LUC7L2: variants seen among roughly 807,000 people sequenced by gnomAD.
LUC7L2 encodes LUC7 like 2, pre-mRNA splicing factor.
LUC7L2 carries 25 observed loss-of-function variants against 52.8 expected under a neutral mutation model. That is an observed-to-expected ratio of 0.47 (90% CI 0.34 to 0.66). LUC7L2 has a LOEUF of 0.66. Ranked by LOEUF, LUC7L2 falls within the 30% of genes least tolerant of loss-of-function variation. The pLI, the probability that LUC7L2 is intolerant of heterozygous loss-of-function variation, is 0.01. For missense variants in LUC7L2, 328 were observed against 497.8 expected (o/e 0.66, Z 3.25); for synonymous variants, 144 against 160.9 (o/e 0.89, Z 0.80).
intron 1 of LUC7L2, chr7:139,344,816 C>T (rs1024015156): frequency 6.6e-6 from 1 of 150,688 alleles, no homozygotes; most frequent in Non-Finnish European, 1.5e-5. Flanking sequence ...CATTCTCCCG[C>T]CTCAGCCTCC....
upstream of LUC7L2, among the ~76,000 whole-genome samples, chr7:139,356,882 G>A (rs1799623013): frequency 6.6e-6 from 1 of 152,168 alleles, no homozygotes; most frequent in Non-Finnish European, 1.5e-5. Flanking sequence ...AGATGGACAG[G>A]CAGAGATTTC....
chr7:139,389,370 C>T (rs1178961220), intron 2 of LUC7L2, among the ~76,000 whole-genome samples: 1 of 152,144 alleles, frequency 6.6e-6, no homozygotes, highest in Non-Finnish European at 1.5e-5. Flanking sequence ...CCAGTATAAT[C>T]CTACATCCCC....
At chr7:139,377,126 A>G (rs373719031) in intron 2 of LUC7L2, among the ~76,000 whole-genome samples, 16 of 152,266 alleles carry the variant, frequency 1.1e-4, no homozygotes, top group Non-Finnish European at 1.3e-4. Context: ...CTACAAAGCA[A>G]GAAATCCAGT....
chr7:139,384,880 T>A (rs1238997850), intron 2 of LUC7L2, among the ~76,000 whole-genome samples: 2 of 152,136 alleles, frequency 1.3e-5, no homozygotes, highest in Non-Finnish European at 2.9e-5. Context: ...CTCAGCCTCC[T>A]AAGTAGCTGG....
Position 139,375,967 on chromosome 7 carries a change from T to TA in LUC7L2, c.62-94dup. On this transcript the variant is annotated intron_variant, in intron 1 of 9. Coordinates refer to ENST00000354926, the MANE Select transcript of LUC7L2 (RefSeq NM_016019.5). ...CTTGAGCTGATTTATAATGTGTGTA[T>TA]ATAGCCACACATAAAAAGCTAGTAA... 5 of 1,274,100 alleles carry TA rather than the reference T, an allele frequency of 3.9e-6. No homozygotes were observed. The East Asian group carries it at 1.2e-4, about 31-fold the overall frequency. The allele number at this position is 1,274,100 out of a possible 1,614,324, so 78.9% of individuals were successfully genotyped here. A position where few individuals can be genotyped will look rare whatever the true frequency, so the allele number is the denominator to read the frequency against.
rs1211477382 is a variant in LUC7L2 at position 139,359,966 on chromosome 7, G to A, written c.-296G>A. 3 of 426,164 alleles carry A rather than the reference G, an allele frequency of 7.0e-6. No individual in the cohort carries two copies. Among genetic ancestry groups the A allele is most frequent in the South Asian group, 1.2e-4 (2 of 17,282 alleles). The allele number at this position is 426,164 out of a possible 1,614,324, so 26.4% of individuals were successfully genotyped here. A position where few individuals can be genotyped will look rare whatever the true frequency, so the allele number is the denominator to read the frequency against. Reference sequence around the variant, plus strand: ...GGGGGTTGACGGCTTCTGGCGGGTGGCGGTGTTGAAGGCGAGAGCTTGCTT... The same window carrying A: ...GGGGGTTGACGGCTTCTGGCGGGTGACGGTGTTGAAGGCGAGAGCTTGCTT... On this transcript the variant is annotated 5_prime_UTR_variant, in exon 1 of 10. Coordinates refer to ENST00000354926, the MANE Select transcript of LUC7L2 (RefSeq NM_016019.5).
At chr7:139,412,365 A>G (rs530470033) in intron 7 of LUC7L2, among the ~76,000 whole-genome samples, 186 bp from the exon 8 acceptor site, 11 of 152,284 alleles carry the variant, frequency 7.2e-5, no homozygotes, top group South Asian at 4.1e-4. Context: ...GAGTTAAGCA[A>G]ACCCTGCAAG....
intron 2 of LUC7L2, among the ~76,000 whole-genome samples, chr7:139,384,005 G>A (rs547132321): frequency 2.6e-5 from 4 of 151,790 alleles, no homozygotes; most frequent in African/African-American, 7.3e-5. Context: ...CCACCTTGGC[G>A]CCTCCCAAAG....
intron 1 of LUC7L2, among the ~76,000 whole-genome samples, chr7:139,364,149 T>G (rs746111697): frequency 3.3e-5 from 5 of 152,014 alleles, no homozygotes; most frequent in Non-Finnish European, 7.4e-5. Context: ...TACGTCTGGC[T>G]AATTTTTGTA....
At chr7:139,415,062 T>G (rs1426945103) in intron 8 of LUC7L2, among the ~76,000 whole-genome samples, 1 of 143,426 alleles carries the variant, frequency 7.0e-6, no homozygotes, top group Non-Finnish European at 1.5e-5. Flanking sequence ...AAGTTTTTTT[T>G]TTTTTTTTTT....
chr7:139,399,159 C>A (rs1284239430), intron 3 of LUC7L2, among the ~76,000 whole-genome samples: 1 of 151,946 alleles, frequency 6.6e-6, no homozygotes, highest in African/African-American at 2.4e-5. Flanking sequence ...AAATATTTAG[C>A]AGAAGAAATG....
At chr7:139,373,514 T>C (rs796630144) in intron 1 of LUC7L2, among the ~76,000 whole-genome samples, 1 of 152,112 alleles carries the variant, frequency 6.6e-6, no homozygotes, top group South Asian at 2.1e-4. Context: ...TTTTAAAATG[T>C]TTTTTGGCAT....
intron 2 of LUC7L2, among the ~76,000 whole-genome samples, chr7:139,394,779 C>T (rs747991725): frequency 2.6e-5 from 4 of 151,942 alleles, no homozygotes; most frequent in African/African-American, 7.3e-5. Flanking sequence ...CTGAAATAAC[C>T]GGAACTAGCA....
Position 139,392,887 on chromosome 7 carries a change from C to G in LUC7L2, c.157-5712C>G, listed in dbSNP as rs1446474599. Among the ~76,000 whole-genome samples, 4 of 152,030 alleles carry G rather than the reference C, an allele frequency of 2.6e-5. No individual in the cohort carries two copies. In the East Asian group the frequency reaches 7.8e-4, roughly 30 times the overall value. On this transcript the variant is annotated intron_variant, in intron 2 of 9. Transcript: ENST00000354926. Reference sequence around the variant, plus strand: ...CAGGCTGTTCTCAAACTCCCAACCTCAGGTGATCTGCCCGCCTCGGCCTCA... The same window carrying G: ...CAGGCTGTTCTCAAACTCCCAACCTGAGGTGATCTGCCCGCCTCGGCCTCA...
At chr7:139,372,121 G>A (rs1351849528) in intron 1 of LUC7L2, among the ~76,000 whole-genome samples, 1 of 152,188 alleles carries the variant, frequency 6.6e-6, no homozygotes, top group African/African-American at 2.4e-5. Flanking sequence ...GTGTAGTTAA[G>A]TACAAGGCCT....
chr7:139,349,621 C>A (rs866245038), intron 1 of LUC7L2, among the ~76,000 whole-genome samples: 25 of 150,882 alleles, frequency 1.7e-4, no homozygotes, highest in East Asian at 7.8e-4. Flanking sequence ...TGCTCCCCCC[C>A]CCCCCACCGG....
intron 8 of LUC7L2, among the ~76,000 whole-genome samples, chr7:139,415,836 G>A (rs1464329719): frequency 1.3e-5 from 2 of 151,520 alleles, no homozygotes; most frequent in Non-Finnish European, 2.9e-5. Flanking sequence ...CTAAAGCTAC[G>A]TCCATGTCAT....
chr7:139,361,993 C>T (rs766111359), intron 1 of LUC7L2, among the ~76,000 whole-genome samples: 9 of 151,624 alleles, frequency 5.9e-5, no homozygotes, highest in Non-Finnish European at 1.3e-4. Context: ...ATTAGGCAGC[C>T]CGTCTAGTAT....
At chr7:139,360,665 GA>G (rs1446674964) in intron 1 of LUC7L2, among the ~76,000 whole-genome samples, 8 of 152,168 alleles carry the variant, frequency 5.3e-5, no homozygotes, top group Non-Finnish European at 8.8e-5. Context: ...GGTACCTGCG[GA>G]AAGCTAAGGC....
Sources: allele counts gnomAD v4.1 joint callset (sites outside exome capture counted in the v4.1 genomes callset), GRCh38; gene constraint gnomAD v4.1.1; transcripts MANE v1.5; gene names NCBI Gene and HGNC (gene_info 2026-07-23, HGNC 2026-07-21).